Variants in LRP2 observed in about 807,000 individuals in gnomAD.
LRP2 encodes the protein low-density lipoprotein receptor-related protein 2.
LRP2 carries 172 observed loss-of-function variants against 531.0 expected under a neutral mutation model. That is an observed-to-expected ratio of 0.32 (90% CI 0.29 to 0.37). The LOEUF (loss-of-function observed/expected upper bound fraction) is 0.37, where lower values mean the gene tolerates loss of function less well. Ranked by LOEUF, LRP2 falls within the 10% of genes least tolerant of loss-of-function variation. The probability of loss-of-function intolerance (pLI) is 1.00; values close to 1 mark genes in which losing one functional copy is unlikely to be tolerated. For missense variants in LRP2, 5,167 were observed against 5,868.3 expected, an observed-to-expected ratio of 0.88 and a Z score of 3.90; for synonymous variants, 1,992 against 2,027.6, an observed-to-expected ratio of 0.98 and a Z score of 0.47.
chr2:169,269,301 T>C (rs1194531034), intron 16 of LRP2, among the ~76,000 whole-genome samples: 3 of 152,082 alleles, frequency 2.0e-5, no homozygotes, highest in African/African-American at 7.2e-5. Flanking sequence ...GCCAAGACAA[T>C]CCTAAGCCAA....
At position 169,201,587 on chromosome 2, in the gene LRP2, T is replaced by G. The variant is rs187144675; in HGVS notation, c.8452+41A>C. 4,120 of 1,613,736 alleles carry G rather than the reference T, an allele frequency of 2.6e-3. 12 individuals are homozygous for G. Among genetic ancestry groups the G allele is most frequent in the Non-Finnish European group, 3.2e-3 (3,792 of 1,179,830 alleles). ...AATTTCATCTCCTGTGATCCAAGAC[T>G]TCAGACCCAAAATCACAATAAGCAC... On this transcript the variant is annotated intron_variant, in intron 44 of 78. Coordinates refer to ENST00000649046, the MANE Select transcript of LRP2 (RefSeq NM_004525.3).
At chr2:169,173,799 G>A in intron 56 of LRP2, 120 bp downstream of exon 56, 2 of 1,391,498 alleles carry the variant, frequency 1.4e-6, no homozygotes, top group African/African-American at 1.4e-5. Flanking sequence ...TGCAGGGAGT[G>A]CCAAGGGGGA....
At chr2:169,235,787 T>C in intron 29 of LRP2, 53 bp downstream of exon 29, 3 of 1,358,532 alleles carry the variant, frequency 2.2e-6, no homozygotes, top group Non-Finnish European at 3.2e-6. Flanking sequence ...TCGTCTGATT[T>C]CTACCTATCC....
chr2:169,308,349 A>G (rs1472549422), intron 3 of LRP2, among the ~76,000 whole-genome samples: 2 of 151,994 alleles, frequency 1.3e-5, no homozygotes, highest in East Asian at 3.9e-4. Context: ...CGTTAGGTGT[A>G]TCTCCTAATG....
At chr2:169,311,267 T>A (rs1243157489) in intron 3 of LRP2, among the ~76,000 whole-genome samples, 1 of 152,190 alleles carries the variant, frequency 6.6e-6, no homozygotes, top group Non-Finnish European at 1.5e-5. Context: ...TGCTCTGGCT[T>A]CTCTAGTTCT....
chr2:169,318,010 G>T (rs1684811879), intron 3 of LRP2, among the ~76,000 whole-genome samples: 1 of 152,146 alleles, frequency 6.6e-6, no homozygotes, highest in African/African-American at 2.4e-5. Flanking sequence ...CCCGGTGTTT[G>T]AGGCTGCAGT....
chr2:169,194,123 A>T (rs933595411), intron 46 of LRP2, among the ~76,000 whole-genome samples: 2 of 152,208 alleles, frequency 1.3e-5, no homozygotes, highest in African/African-American at 4.8e-5. Context: ...CTAAAATGAG[A>T]TACAATATTC....
chr2:169,259,337 G>C, intron 16 of LRP2, 120 bp from the exon 17 acceptor site: 1 of 454,622 alleles, frequency 2.2e-6, no homozygotes, highest in South Asian at 2.3e-5. Context: ...AACACATGTG[G>C]AATTCTTTAA....
chr2:169,231,708 C>G lies in LRP2; in HGVS notation c.5227+6G>C, dbSNP rs762106278. 1.9e-6 allele frequency: 3 copies of G among 1,613,888 alleles called. No homozygotes were observed. The highest frequency in any genetic ancestry group is 2.5e-6 in the Non-Finnish European group (3 of 1,179,906). ...CTTCAGAGCTCACATAAGGAGCATA[C>G]TATACCTCTCAAGCAATTCAGGAGA... On this transcript the variant is annotated splice_donor_region_variant and intron_variant, in intron 31 of 78. Coordinates refer to ENST00000649046, the MANE Select transcript of LRP2 (RefSeq NM_004525.3).
chr2:169,205,138 T>C (rs1688332358), intron 41 of LRP2, among the ~76,000 whole-genome samples: 1 of 152,164 alleles, frequency 6.6e-6, no homozygotes, highest in Non-Finnish European at 1.5e-5. Context: ...TCAGATTTTA[T>C]AGCAGTTACC....
At position 169,275,039 on chromosome 2, in the gene LRP2, A is replaced by AGG. The variant is rs767696840; in HGVS notation, c.1970_1971dup (p.Tyr658ProfsTer108). 1 of 1,613,386 alleles carries AGG rather than the reference A, an allele frequency of 6.2e-7. No individual in the cohort carries two copies. Among genetic ancestry groups the AGG allele is most frequent in the Non-Finnish European group, 8.5e-7 (1 of 1,179,578 alleles). On this transcript the variant is annotated frameshift_variant, in exon 14 of 79. Transcript: ENST00000649046. LOFTEE classifies it high-confidence loss of function. ...TTACCACTGCTCTGAGGCTTACCAT[A>AGG]GGGCTGTCTGAGGGAATGGTAAACA...
chr2:169,137,074 G>T (rs1439949480), intron 76 of LRP2, among the ~76,000 whole-genome samples: 1 of 152,218 alleles, frequency 6.6e-6, no homozygotes, highest in Non-Finnish European at 1.5e-5. Flanking sequence ...GGTGCTTCAG[G>T]CACTGTGTTT....
In LRP2 at chr2:169,182,267, T is replaced by C; in HGVS notation, c.9898A>G (p.Asn3300Asp). The C allele has an allele frequency of 1.2e-6, 2 of 1,614,086 alleles. No individual in the cohort carries two copies. The highest frequency in any genetic ancestry group is 1.7e-6 in the Non-Finnish European group (2 of 1,179,978). The change falls in exon 51 of 79, where the codon AAT becomes GAT. Residue 3300 changes from asparagine to aspartate, a missense_variant. Physicochemically the swap from Asn to Asp is conservative, Grantham distance 23. This residue lies in a region of LRP2 where 1,129 missense variants were observed against 1,362.7 expected (regional missense o/e 0.83). Transcript: ENST00000649046. ...GCCAGCATGCGGCGGTGTCCACCAT[T>C]GAGGTCAGAGACAAAGAGGCCATCC... The part of the protein sequence containing the change: ...RLDGLFVSDL[N>D]GGHRRMLAQH...
chr2:169,309,229 G>T (rs968489800), intron 3 of LRP2, among the ~76,000 whole-genome samples: 3 of 152,060 alleles, frequency 2.0e-5, no homozygotes, highest in Non-Finnish European at 2.9e-5. Flanking sequence ...TTAGTTTAAT[G>T]AGATCCCATT....
intron 24 of LRP2, among the ~76,000 whole-genome samples, chr2:169,241,595 A>C (rs1031368960): frequency 3.9e-5 from 6 of 152,222 alleles, no homozygotes; most frequent in African/African-American, 1.4e-4. Context: ...TACAGAACGC[A>C]CAACTGCTGA....
chr2:169,155,001 A>G (rs1045420759), intron 65 of LRP2, among the ~76,000 whole-genome samples: 5 of 152,212 alleles, frequency 3.3e-5, no homozygotes, highest in Non-Finnish European at 7.3e-5. Context: ...TCTTACTAAA[A>G]GTTTACCAGA....
intron 16 of LRP2, among the ~76,000 whole-genome samples, chr2:169,267,939 A>T (rs541277877): frequency 3.9e-5 from 6 of 152,360 alleles, no homozygotes; most frequent in African/African-American, 1.4e-4. Flanking sequence ...CACCCATCCC[A>T]AAGAAATACA....
In LRP2 at chr2:169,362,498, G is replaced by T; in HGVS notation, c.-99C>A. 2 of 1,055,936 alleles carry T rather than the reference G, an allele frequency of 1.9e-6. No individual in the cohort carries two copies. Among genetic ancestry groups the T allele is most frequent in the South Asian group, 2.7e-5 (2 of 73,946 alleles). 65.4% of individuals were successfully genotyped at this position (1,055,936 alleles called of 1,614,324 possible). On this transcript the variant is annotated 5_prime_UTR_variant, in exon 1 of 79. Transcript: ENST00000649046. ...CCTCTGCTAGCGAACGCTCCTTTAG[G>T]TCTGCACCTCCGCCAGCTCCTAGTG... is the stretch of plus-strand genomic sequence containing the variant.
At chr2:169,185,054 C>T (rs918800046) in intron 50 of LRP2, among the ~76,000 whole-genome samples, 1 of 152,178 alleles carries the variant, frequency 6.6e-6, no homozygotes, top group Non-Finnish European at 1.5e-5. Flanking sequence ...AGCCACTGCC[C>T]CCGGCCAATG....
Sources: allele counts gnomAD v4.1 joint callset (sites outside exome capture counted in the v4.1 genomes callset), GRCh38; gene constraint gnomAD v4.1.1; regional missense constraint gnomAD v4.1.1; transcripts MANE v1.5; gene names NCBI Gene and HGNC (gene_info 2026-07-23, HGNC 2026-07-21).